The following ADGRL3 variants were observed in gnomAD, a reference collection of about 807,000 sequenced individuals.
ADGRL3 encodes the protein calcium-independent alpha-latrotoxin receptor 3.
ADGRL3 carries 62 observed loss-of-function variants against 153.5 expected under a neutral mutation model. The ratio of observed to expected loss-of-function variants is 0.40; its 90% CI spans 0.33 to 0.50. The LOEUF is 0.50. ADGRL3 is among the 20% of genes least tolerant of loss of function. The probability of loss-of-function intolerance (pLI) is 0.47; values close to 1 mark genes in which losing one functional copy is unlikely to be tolerated. For missense variants in ADGRL3, 1,641 were observed against 1,859.4 expected, an observed-to-expected ratio of 0.88 and a Z score of 2.16; for synonymous variants, 710 against 672.5, an observed-to-expected ratio of 1.06 and a Z score of -0.86.
At chr4:61,837,247 T>C (rs891702862) in intron 9 of ADGRL3, among the ~76,000 whole-genome samples, 2 of 152,110 alleles carry the variant, frequency 1.3e-5, no homozygotes, top group African/African-American at 4.8e-5. Flanking sequence ...CTAGGTCTTA[T>C]TCTAAGAGGT....
At chr4:61,215,356 A>G (rs2148919606) in intron 1 of ADGRL3, among the ~76,000 whole-genome samples, 1 of 152,220 alleles carries the variant, frequency 6.6e-6, no homozygotes. Flanking sequence ...CTGTTGCAAG[A>G]TAAATTTAAG....
intron 8 of ADGRL3, among the ~76,000 whole-genome samples, chr4:61,737,001 A>T (rs899271799): frequency 2.0e-5 from 3 of 152,188 alleles, no homozygotes; most frequent in African/African-American, 7.2e-5. Flanking sequence ...ATTAACGTTA[A>T]TAGAGGCTGT....
intron 1 of ADGRL3, among the ~76,000 whole-genome samples, chr4:61,266,884 A>C (rs72634727): frequency 0.12 from 18,649 of 151,574 alleles, 1,251 homozygotes; most frequent in Middle Eastern, 0.18. Context: ...GGTAGTGGAG[A>C]GTTCAAAATC....
At chr4:61,412,034 C>T (rs1008748902) in intron 2 of ADGRL3, among the ~76,000 whole-genome samples, 1 of 152,162 alleles carries the variant, frequency 6.6e-6, no homozygotes, top group Non-Finnish European at 1.5e-5. Flanking sequence ...CACACCTCTA[C>T]TTCAGTAAAC....
intron 9 of ADGRL3, among the ~76,000 whole-genome samples, chr4:61,822,943 A>T (rs1459637621): frequency 6.6e-6 from 1 of 152,212 alleles, no homozygotes; most frequent in East Asian, 1.9e-4. Context: ...AGTGATAATG[A>T]TGCTCACGTT....
rs376527316 is a variant in ADGRL3 at position 61,775,883 on chromosome 4, T to TTTTATTTA, written c.1400-37902_1400-37895dup. The TTTTATTTA allele has an allele frequency of 8.2e-4, 266 of 324,492 alleles. 2 individuals are homozygous for TTTTATTTA. Among genetic ancestry groups the TTTTATTTA allele is most frequent in the African/African-American group, 5.2e-3 (231 of 44,286 alleles). The allele number at this position is 324,492 out of a possible 1,614,324, so 20.1% of individuals were successfully genotyped here. A position where few individuals can be genotyped will look rare whatever the true frequency, so the allele number is the denominator to read the frequency against. On this transcript the variant is annotated intron_variant, in intron 8 of 26. Coordinates refer to ENST00000683033, the MANE Select transcript of ADGRL3 (RefSeq NM_001387552.1). The stretch of plus-strand genomic sequence containing the variant: ...GGTTACCGGTGAAGACGAATCTTGT[T>TTTTATTTA]TTTATTTATTTATTTATTTATTTAT...
At chr4:61,498,099 C>G (rs965298398) in intron 3 of ADGRL3, among the ~76,000 whole-genome samples, 1 of 152,078 alleles carries the variant, frequency 6.6e-6, no homozygotes, top group Non-Finnish European at 1.5e-5. Flanking sequence ...CCCACTTATT[C>G]AAAAGTATCT....
intron 6 of ADGRL3, among the ~76,000 whole-genome samples, chr4:61,684,663 A>T (rs138321467): frequency 3.3e-5 from 5 of 152,196 alleles, no homozygotes; most frequent in Admixed American, 3.3e-4. Flanking sequence ...GTCAGATTTA[A>T]CATAAAGTCT....
chr4:61,780,658 C>T (rs988114842), intron 8 of ADGRL3, among the ~76,000 whole-genome samples: 6 of 152,156 alleles, frequency 3.9e-5, no homozygotes, highest in African/African-American at 9.7e-5. Context: ...CATCCATTCC[C>T]ACTGATTTCC....
chr4:61,844,569 AAAAAAAATATATAT>A (rs1255637143), intron 9 of ADGRL3, among the ~76,000 whole-genome samples: 1 of 44,630 alleles, frequency 2.2e-5, no homozygotes, highest in Non-Finnish European at 3.7e-5. Flanking sequence ...AAAAAAAAAA[AAAAAAAATATATAT>A]ATATATATAT....
chr4:61,812,350 A>G (rs1327897384), intron 8 of ADGRL3, among the ~76,000 whole-genome samples: 1 of 152,330 alleles, frequency 6.6e-6, no homozygotes, highest in African/African-American at 2.4e-5. Context: ...GGCAGCTACT[A>G]TCAACAGGGA....
intron 4 of ADGRL3, among the ~76,000 whole-genome samples, chr4:61,529,959 A>G (rs1287167507): frequency 6.6e-6 from 1 of 152,166 alleles, no homozygotes; most frequent in Non-Finnish European, 1.5e-5. Context: ...AAAATATTTT[A>G]TGGCTTTAAA....
intron 1 of ADGRL3, among the ~76,000 whole-genome samples, chr4:61,321,343 C>A (rs1185720457): frequency 6.6e-6 from 1 of 152,118 alleles, no homozygotes; most frequent in African/African-American, 2.4e-5. Flanking sequence ...GTCTGCACAT[C>A]TGGCAAGGAC....
At chr4:61,843,083 G>A (rs2098057856) in intron 9 of ADGRL3, among the ~76,000 whole-genome samples, 2 of 152,128 alleles carry the variant, frequency 1.3e-5, no homozygotes, top group Non-Finnish European at 2.9e-5. Flanking sequence ...CAAGGATTAA[G>A]TCTTTCAAAA....
intron 1 of ADGRL3, among the ~76,000 whole-genome samples, chr4:61,209,352 A>G (rs1738772290): frequency 6.6e-6 from 1 of 152,172 alleles, no homozygotes; most frequent in Admixed American, 6.5e-5. Context: ...TAAAGTTTAC[A>G]TTGCTGGTTT....
At chr4:61,627,054 C>G (rs921802598) in intron 5 of ADGRL3, among the ~76,000 whole-genome samples, 2 of 151,972 alleles carry the variant, frequency 1.3e-5, no homozygotes, top group African/African-American at 4.8e-5. Flanking sequence ...TGGATTTGCT[C>G]CTTTTCAAAT....
intron 1 of ADGRL3, among the ~76,000 whole-genome samples, chr4:61,240,628 A>T (rs570024941): frequency 1.9e-4 from 29 of 152,150 alleles, no homozygotes; most frequent in African/African-American, 5.1e-4. Flanking sequence ...CATTAACTCG[A>T]TTTTTTTAAA....
chr4:61,966,308 G>T (rs1469148753), intron 17 of ADGRL3, among the ~76,000 whole-genome samples: 1 of 151,978 alleles, frequency 6.6e-6, no homozygotes, highest in Non-Finnish European at 1.5e-5. Flanking sequence ...CTATTATATG[G>T]TTTTTATAAT....
intron 9 of ADGRL3, among the ~76,000 whole-genome samples, chr4:61,874,910 G>A (rs896438661): frequency 2.2e-5 from 3 of 138,180 alleles, no homozygotes; most frequent in Non-Finnish European, 3.0e-5. Flanking sequence ...CCGGGTTCAC[G>A]CCATTCTCCT....
Sources: gnomAD v4.1 joint callset for allele counts (sites outside exome capture counted in the v4.1 genomes callset) on GRCh38, gnomAD v4.1.1 for gene constraint, MANE v1.5 for transcripts, NCBI Gene and HGNC (gene_info 2026-07-23, HGNC 2026-07-21) for gene names.